The following EPHB2 variants were observed in gnomAD, a reference collection of about 807,000 sequenced individuals.
The protein encoded by EPHB2 is ephrin type-B receptor 2.
A neutral mutation model predicts 96.4 loss-of-function variants in EPHB2; 18 were observed. The ratio of observed to expected loss-of-function variants is 0.19; its 90% CI spans 0.13 to 0.28. The LOEUF (loss-of-function observed/expected upper bound fraction) is 0.28. EPHB2 is among the 10% of genes least tolerant of loss of function. The pLI is 1.00. For missense variants in EPHB2, 989 were observed against 1,355.4 expected, an observed-to-expected ratio of 0.73 and a Z score of 4.25; for synonymous variants, 506 against 534.1, an observed-to-expected ratio of 0.95 and a Z score of 0.72.
At chr1:22,724,151 C>T (rs1004709024) in intron 1 of EPHB2, among the ~76,000 whole-genome samples, 2 of 152,192 alleles carry the variant, frequency 1.3e-5, no homozygotes, top group Non-Finnish European at 2.9e-5. Context: ...GTCTAGCCTT[C>T]ACCTAGATTC....
intron 1 of EPHB2, among the ~76,000 whole-genome samples, chr1:22,779,081 G>C (rs918226003): frequency 2.0e-5 from 3 of 152,216 alleles, no homozygotes; most frequent in African/African-American, 7.2e-5. Flanking sequence ...GCTGTTCCCT[G>C]GGCCCAGGCA....
intron 3 of EPHB2, among the ~76,000 whole-genome samples, chr1:22,812,277 G>T (rs1037262885): frequency 2.6e-5 from 4 of 152,248 alleles, no homozygotes; most frequent in African/African-American, 9.6e-5. Flanking sequence ...CTGCGGCCCT[G>T]CCCGCGGGGC....
chr1:22,781,318 T>TA (rs71020449), intron 1 of EPHB2, 103 bp from the exon 2 acceptor site: 9,358 of 888,638 alleles, frequency 0.011, 10 homozygotes, highest in East Asian at 0.049. Context: ...AGACTCCGTC[T>TA]AAAAAAAAAA....
intron 13 of EPHB2, among the ~76,000 whole-genome samples, 155 bp downstream of exon 13, chr1:22,909,326 G>T (rs986981091): frequency 6.6e-6 from 1 of 152,192 alleles, no homozygotes; most frequent in African/African-American, 2.4e-5. Flanking sequence ...GCCCAATGGT[G>T]GCTGATTCGA....
intron 1 of EPHB2, among the ~76,000 whole-genome samples, chr1:22,773,592 A>G (rs756570769): frequency 2.0e-4 from 31 of 152,090 alleles, no homozygotes; most frequent in Non-Finnish European, 4.1e-4. Context: ...CTGGCCCCCA[A>G]TTCTAGCCTA....
At chr1:22,910,271 A>G in intron 13 of EPHB2, 111 bp from the exon 14 acceptor site, 1 of 1,417,232 alleles carries the variant, frequency 7.1e-7, no homozygotes, top group Non-Finnish European at 9.9e-7. Context: ...TGGTTGCCAC[A>G]GCAACTAAAT....
intron 3 of EPHB2, among the ~76,000 whole-genome samples, chr1:22,819,152 C>T (rs1362926308): frequency 4.0e-5 from 6 of 150,770 alleles, no homozygotes; most frequent in African/African-American, 1.5e-4. Flanking sequence ...AATTAGATGA[C>T]TTCTCAGGGC....
At chr1:22,717,679 T>C (rs1231292459) in intron 1 of EPHB2, among the ~76,000 whole-genome samples, 1 of 152,226 alleles carries the variant, frequency 6.6e-6, no homozygotes, top group East Asian at 1.9e-4. Flanking sequence ...GCTGTGTCCA[T>C]TCTTTATTAG....
At chr1:22,819,318 G>C (rs1201546327) in intron 3 of EPHB2, among the ~76,000 whole-genome samples, 5 of 149,160 alleles carry the variant, frequency 3.4e-5, no homozygotes, top group African/African-American at 4.9e-5. Flanking sequence ...CACAACCTCT[G>C]TTCCAGTCTC....
intron 1 of EPHB2, among the ~76,000 whole-genome samples, chr1:22,763,893 G>A (rs1644269751): frequency 6.6e-6 from 1 of 152,144 alleles, no homozygotes; most frequent in African/African-American, 2.4e-5. Flanking sequence ...CCCAGAGCTT[G>A]TGGCTCCTTC....
rs1302779489 is a variant in EPHB2 at position 22,864,874 on chromosome 1, C to T, written c.968-3C>T. On this transcript the variant is annotated splice_polypyrimidine_tract_variant and splice_region_variant and intron_variant, in intron 4 of 15. Coordinates refer to ENST00000374630, the MANE Select transcript of EPHB2 (RefSeq NM_017449.5). The stretch of plus-strand genomic sequence containing the variant: ...ACTGACCAACACCTCTCCCCCGCCC[C>T]AGCCATCCCCTCCGCGCCCCAGGCT... The T allele has an allele frequency of 1.2e-6, 2 of 1,602,572 alleles. No homozygotes were observed. The highest frequency in any genetic ancestry group is 1.7e-5 in the Admixed American group (1 of 59,368).
At chr1:22,793,942 GTACTCACCTTTTATA>G (rs1438012871) in intron 3 of EPHB2, among the ~76,000 whole-genome samples, 2,694 of 152,220 alleles carry the variant, frequency 0.018, 75 homozygotes, top group African/African-American at 0.062. Flanking sequence ...TTGTCCAGAT[GTACTCACCTTTTATA>G]CCTGAATGTA....
chr1:22,740,363 A>T (rs745584100), intron 1 of EPHB2, among the ~76,000 whole-genome samples: 1 of 152,192 alleles, frequency 6.6e-6, no homozygotes, highest in Non-Finnish European at 1.5e-5. Flanking sequence ...GTCCTACCCA[A>T]TCAGGGTGTT....
intron 1 of EPHB2, among the ~76,000 whole-genome samples, chr1:22,717,181 A>G (rs1472397021): frequency 6.6e-6 from 1 of 151,986 alleles, no homozygotes; most frequent in East Asian, 1.9e-4. Flanking sequence ...GTGCATAAAA[A>G]GAGGGTTAGC....
Position 22,746,383 on chromosome 1 carries a change from T to C in EPHB2, c.62-35038T>C, listed in dbSNP as rs150981259. ...AGGGTGCACCAAGCTGGGGAACATC[T>C]TGGGCAAAGATCCAGTAGGAGTGTG... On this transcript the variant is annotated intron_variant, in intron 1 of 15. Transcript: ENST00000374630. Among the ~76,000 whole-genome samples, 293 of 152,262 alleles carry C rather than the reference T, an allele frequency of 1.9e-3. 2 individuals are homozygous for C. The highest frequency in any genetic ancestry group is 3.2e-3 in the Non-Finnish European group (218 of 68,022).
intron 3 of EPHB2, among the ~76,000 whole-genome samples, chr1:22,818,017 G>T (rs1425138057): frequency 6.6e-6 from 1 of 152,146 alleles, no homozygotes; most frequent in Non-Finnish European, 1.5e-5. Context: ...CGAGTGATAG[G>T]AAATGTCTGG....
At chr1:22,804,154 G>A (rs1029402665) in intron 3 of EPHB2, among the ~76,000 whole-genome samples, 1 of 152,170 alleles carries the variant, frequency 6.6e-6, no homozygotes, top group Non-Finnish European at 1.5e-5. Context: ...ACTCAGGACC[G>A]CATTAGACCT....
chr1:22,838,209 G>A (rs1283992251), intron 3 of EPHB2, among the ~76,000 whole-genome samples: 1 of 152,136 alleles, frequency 6.6e-6, no homozygotes, highest in Non-Finnish European at 1.5e-5. Context: ...CCATCTCAGG[G>A]CAATGGTCAC....
At chr1:22,898,814 C>A (rs1335611129) in intron 9 of EPHB2, among the ~76,000 whole-genome samples, 1 of 152,166 alleles carries the variant, frequency 6.6e-6, no homozygotes, top group Non-Finnish European at 1.5e-5. Flanking sequence ...AGATTTGCTG[C>A]AGGACTGGAT....
Sources: gnomAD v4.1 joint callset for allele counts (sites outside exome capture counted in the v4.1 genomes callset) on GRCh38, gnomAD v4.1.1 for gene constraint, MANE v1.5 for transcripts, NCBI Gene and HGNC (gene_info 2026-07-23, HGNC 2026-07-21) for gene names.